The following ASPH variants were observed in gnomAD, a reference collection of about 807,000 sequenced individuals.
The protein encoded by ASPH is aspartate beta-hydroxylase.
Under a neutral mutation model 118.4 loss-of-function variants are expected in ASPH, and 100 were observed. The ratio of observed to expected loss-of-function variants is 0.84; its 90% CI spans 0.72 to 1.00. The LOEUF (loss-of-function observed/expected upper bound fraction) is 1.00. ASPH is among the 50% of genes least tolerant of loss of function. The probability of loss-of-function intolerance (pLI) is 0.00; values close to 1 mark genes in which losing one functional copy is unlikely to be tolerated. For missense variants in ASPH, 920 were observed against 919.5 expected, an observed-to-expected ratio of 1.00 and a Z score of -0.01; for synonymous variants, 315 against 325.6, an observed-to-expected ratio of 0.97 and a Z score of 0.35.
intron 18 of ASPH, among the ~76,000 whole-genome samples, chr8:61,561,124 GAGGGAGGGAGGGAGGA>G (rs1427790079): frequency 4.1e-4 from 20 of 48,896 alleles, no homozygotes; most frequent in African/African-American, 1.6e-3. Context: ...GGGAGGGAGG[GAGGGAGGGAGGGAGGA>G]AGGAAGTTAG....
chr8:61,594,128 C>A (rs1841923100), intron 14 of ASPH, among the ~76,000 whole-genome samples: 2 of 152,164 alleles, frequency 1.3e-5, no homozygotes, highest in Non-Finnish European at 2.9e-5. Context: ...TGGTGCCAAA[C>A]ACTTTAACAG....
chr8:61,698,698 C>G (rs1405016745), intron 1 of ASPH, among the ~76,000 whole-genome samples: 2 of 152,136 alleles, frequency 1.3e-5, no homozygotes, highest in Admixed American at 6.5e-5. Context: ...CTGAAGCTAT[C>G]TAGGGGCTGT....
chr8:61,675,988 T>C, intron 3 of ASPH: 2 of 1,557,308 alleles, frequency 1.3e-6, no homozygotes, highest in South Asian at 2.4e-5. Flanking sequence ...CACTGCACAT[T>C]AAGCCCTGCA....
chr8:61,695,168 A>C (rs1833632061), intron 1 of ASPH, among the ~76,000 whole-genome samples: 1 of 152,264 alleles, frequency 6.6e-6, no homozygotes, highest in Non-Finnish European at 1.5e-5. Context: ...TGTGATCATC[A>C]AAATCCAAGT....
At chr8:61,591,557 T>C (rs1354834451) in intron 14 of ASPH, among the ~76,000 whole-genome samples, 1 of 152,184 alleles carries the variant, frequency 6.6e-6, no homozygotes, top group Non-Finnish European at 1.5e-5. Context: ...AGTAAATTCT[T>C]GGATTGCAAG....
chr8:61,510,542 A>G (rs1808436120), intron 24 of ASPH, among the ~76,000 whole-genome samples: 2 of 152,224 alleles, frequency 1.3e-5, no homozygotes, highest in Non-Finnish European at 2.9e-5. Context: ...CCTTTTCACC[A>G]ATCGGTTCAA....
intron 21 of ASPH, among the ~76,000 whole-genome samples, chr8:61,534,641 AC>A (rs1818814569): frequency 6.6e-6 from 1 of 152,248 alleles, no homozygotes; most frequent in Non-Finnish European, 1.5e-5. Flanking sequence ...AGATGATGAT[AC>A]AAGTGATACT....
chr8:61,607,875 G>A (rs1846079039), intron 14 of ASPH, among the ~76,000 whole-genome samples: 1 of 152,284 alleles, frequency 6.6e-6, no homozygotes, highest in South Asian at 2.1e-4. Context: ...GATTTAATTA[G>A]TTGCCTCAAA....
At chr8:61,610,371 C>G (rs1421231932) in intron 14 of ASPH, among the ~76,000 whole-genome samples, 2 of 152,158 alleles carry the variant, frequency 1.3e-5, no homozygotes, top group Non-Finnish European at 2.9e-5. Flanking sequence ...AGCTAAAAAC[C>G]TCTACTATAC....
intron 13 of ASPH, chr8:61,625,908 C>T (rs1157774197): frequency 9.6e-7 from 1 of 1,041,176 alleles, no homozygotes; most frequent in Non-Finnish European, 1.2e-6. Flanking sequence ...GAAAACCCTG[C>T]CAACACAATT....
chr8:61,651,403 C>T (rs1810912588), intron 4 of ASPH: 2 of 296,334 alleles, frequency 6.7e-6, no homozygotes, highest in South Asian at 1.2e-4. Flanking sequence ...TAAAAAAGAG[C>T]CTTATTAAAA....
intron 13 of ASPH, among the ~76,000 whole-genome samples, chr8:61,619,292 T>A (rs991593923): frequency 6.6e-6 from 1 of 152,182 alleles, no homozygotes. Context: ...ATAAGAGAGT[T>A]GGAGTGGGTG....
chr8:61,709,157 G>A (rs1459767825), intron 1 of ASPH, among the ~76,000 whole-genome samples: 4 of 152,038 alleles, frequency 2.6e-5, no homozygotes, highest in East Asian at 1.9e-4. Flanking sequence ...GTGATTTGCC[G>A]TTAAAAGATA....
At chr8:61,671,806 C>G (rs2151459788) in intron 3 of ASPH, among the ~76,000 whole-genome samples, 1 of 152,340 alleles carries the variant, frequency 6.6e-6, no homozygotes, top group Non-Finnish European at 1.5e-5. Context: ...ATCAAATGTT[C>G]TCTATGAAAT....
intron 3 of ASPH, among the ~76,000 whole-genome samples, chr8:61,671,992 A>C (rs1327743800): frequency 6.6e-6 from 1 of 152,042 alleles, no homozygotes; most frequent in African/African-American, 2.4e-5. Flanking sequence ...AGCCACTCTC[A>C]CCATTTCTAG....
chr8:61,553,019 T>A lies in ASPH; in HGVS notation c.1626+12A>T. 6.3e-7 allele frequency: 1 copy of A among 1,588,728 alleles called. No homozygotes were observed. Among genetic ancestry groups the A allele is most frequent in the Non-Finnish European group, 8.6e-7 (1 of 1,157,724 alleles). On this transcript the variant is annotated intron_variant, in intron 20 of 24. Coordinates refer to ENST00000379454, the MANE Select transcript of ASPH (RefSeq NM_004318.4). The stretch of plus-strand genomic sequence containing the variant: ...TCTGTTAGAGAGAATCAGAAATTCA[T>A]ATACCCATTACCTCTTTGTTCCCAA...
At chr8:61,536,508 G>A (rs949367333) in intron 21 of ASPH, among the ~76,000 whole-genome samples, 1 of 152,198 alleles carries the variant, frequency 6.6e-6, no homozygotes, top group Non-Finnish European at 1.5e-5. Flanking sequence ...GGAAGAGAAG[G>A]CTTCAGGCAT....
At chr8:61,688,713 G>C (rs1361371179) in intron 1 of ASPH, among the ~76,000 whole-genome samples, 1 of 152,054 alleles carries the variant, frequency 6.6e-6, no homozygotes, top group African/African-American at 2.4e-5. Context: ...TCACCCTTTG[G>C]GAATCAAAAA....
chr8:61,615,335 C>A (rs905595329), intron 14 of ASPH, among the ~76,000 whole-genome samples: 4 of 152,172 alleles, frequency 2.6e-5, no homozygotes, highest in Non-Finnish European at 4.4e-5. Context: ...TCCAAGAGGC[C>A]TATTACACAG....
Sources: allele counts gnomAD v4.1 joint callset (sites outside exome capture counted in the v4.1 genomes callset), GRCh38; gene constraint gnomAD v4.1.1; transcripts MANE v1.5; gene names NCBI Gene and HGNC (gene_info 2026-07-23, HGNC 2026-07-21).